Variants in KLHL1 observed in about 807,000 individuals in gnomAD.
The protein encoded by KLHL1 is kelch like family member 1, also known as kelch-like protein 1.
KLHL1 carries 47 observed loss-of-function variants against 77.7 expected under a neutral mutation model. The ratio of observed to expected loss-of-function variants is 0.60; its 90% CI spans 0.48 to 0.77. KLHL1 has a LOEUF of 0.77. Ranked by LOEUF, KLHL1 falls within the 30% of genes least tolerant of loss-of-function variation. The pLI, the probability that KLHL1 is intolerant of heterozygous loss-of-function variation, is 0.00. For synonymous variants in KLHL1, 360 were observed against 325.2 expected (o/e 1.11, Z -1.15); for missense variants, 925 against 910.8 (o/e 1.02, Z -0.20).
At chr13:69,947,210 G>T (rs1406856220) in intron 3 of KLHL1, among the ~76,000 whole-genome samples, 1 of 151,854 alleles carries the variant, frequency 6.6e-6, no homozygotes, top group East Asian at 1.9e-4. Flanking sequence ...TTTGTTTTCT[G>T]CTGGGACTCT....
At chr13:69,781,285 C>CTTTTTTTTTTTT (rs869083780) in intron 7 of KLHL1, among the ~76,000 whole-genome samples, 153 of 119,556 alleles carry the variant, frequency 1.3e-3, no homozygotes, top group Non-Finnish European at 1.4e-3. Context: ...TTTTTTCTTT[C>CTTTTTTTTTTTT]TTTTTTTTTT....
intron 4 of KLHL1, among the ~76,000 whole-genome samples, chr13:69,935,738 T>C (rs971700325): frequency 1.3e-5 from 2 of 152,138 alleles, no homozygotes; most frequent in African/African-American, 4.8e-5. Flanking sequence ...TAGAACTGTA[T>C]GAACAGGGAA....
rs745601260 is a variant in KLHL1 at position 69,975,791 on chromosome 13, G to C, written c.509C>G (p.Thr170Ser). 6.2e-7 allele frequency: 1 copy of C among 1,606,818 alleles called. No homozygotes were observed. Among genetic ancestry groups the C allele is most frequent in the South Asian group, 1.1e-5 (1 of 90,222 alleles). Residue 170 changes from threonine to serine, a missense_variant, in exon 2 of 11, where the codon ACC becomes AGC. Transcript: ENST00000377844. ...GEGCGHRLSS[T>S]GHSMTPQSDL... ...ACTTTGAGGTGTCATTGAATGGCCG[G>C]TTGATGACAGCCTATAAACCACACA...
At chr13:69,827,944 T>A (rs1296949455) in intron 6 of KLHL1, among the ~76,000 whole-genome samples, 1 of 141,308 alleles carries the variant, frequency 7.1e-6, no homozygotes, top group Non-Finnish European at 1.5e-5. Context: ...AGTTTGTTGT[T>A]GGAAGTAAAT....
At chr13:69,728,561 G>C (rs538821716) in intron 8 of KLHL1, among the ~76,000 whole-genome samples, 1 of 151,778 alleles carries the variant, frequency 6.6e-6, no homozygotes, top group East Asian at 2.0e-4. Context: ...CTAGCATTTT[G>C]GGAGGCCAAG....
At chr13:69,784,982 C>A (rs1474011589) in intron 7 of KLHL1, among the ~76,000 whole-genome samples, 2 of 149,072 alleles carry the variant, frequency 1.3e-5, no homozygotes, top group Admixed American at 6.7e-5. Flanking sequence ...CTCCGCCTCC[C>A]GGGTTCACGC....
intron 1 of KLHL1, among the ~76,000 whole-genome samples, chr13:69,988,090 GGC>G (rs1566476030): frequency 3.3e-5 from 5 of 150,474 alleles, no homozygotes; most frequent in African/African-American, 1.2e-4. Context: ...GCTTTTTTTT[GGC>G]GGGGGGAACC....
chr13:69,947,978 A>G (rs1683669228), intron 3 of KLHL1, among the ~76,000 whole-genome samples: 2 of 152,158 alleles, frequency 1.3e-5, no homozygotes, highest in South Asian at 4.1e-4. Flanking sequence ...GAAAACCTAC[A>G]TGTTTTTAGT....
chr13:70,005,931 A>G lies in KLHL1; in HGVS notation c.498-30129T>C, dbSNP rs544828883. 1.8e-3 allele frequency among the ~76,000 whole-genome samples: 267 copies of G among 152,074 alleles called. 1 individual carries two copies. The highest frequency in any genetic ancestry group is 6.1e-3 in the African/African-American group (252 of 41,520). On this transcript the variant is annotated intron_variant, in intron 1 of 10. Coordinates refer to ENST00000377844, the MANE Select transcript of KLHL1 (RefSeq NM_020866.3). ...TGCTCATTATTGTATTAACTATCGG[A>G]CTATGTTGTACTGCAGATCTCTAGA... is the stretch of plus-strand genomic sequence containing the variant.
At chr13:69,969,518 G>A (rs866209673) in intron 2 of KLHL1, among the ~76,000 whole-genome samples, 16 of 151,918 alleles carry the variant, frequency 1.1e-4, no homozygotes, top group African/African-American at 3.9e-4. Flanking sequence ...TATTTCCTAT[G>A]CATAAAAAAT....
chr13:70,071,022 T>C (rs192587193), intron 1 of KLHL1, among the ~76,000 whole-genome samples: 63 of 152,118 alleles, frequency 4.1e-4, no homozygotes, highest in African/African-American at 1.5e-3. Context: ...GGGAAATATG[T>C]AGAATACAGT....
rs556209076 is a variant in KLHL1 at position 69,958,058 on chromosome 13, T to C, written c.817+3250A>G. Among the ~76,000 whole-genome samples, 55 of 151,912 alleles carry C rather than the reference T, an allele frequency of 3.6e-4. 1 individual carries two copies. The South Asian group carries it at 8.1e-3, about 22-fold the overall frequency. On this transcript the variant is annotated intron_variant, in intron 3 of 10. Coordinates refer to ENST00000377844, the MANE Select transcript of KLHL1 (RefSeq NM_020866.3). The stretch of plus-strand genomic sequence containing the variant: ...ACAACCTCATCATTATCCTAAATAG[T>C]TGCAAGAATTATTATTTTTTTAAAT...
intron 4 of KLHL1, among the ~76,000 whole-genome samples, chr13:69,906,213 A>T (rs1218309188): frequency 6.6e-6 from 1 of 152,050 alleles, no homozygotes; most frequent in African/African-American, 2.4e-5. Context: ...GGACATTTTA[A>T]TTACAGAAGT....
At chr13:69,842,884 A>G (rs1895571) in intron 5 of KLHL1, among the ~76,000 whole-genome samples, 14,955 of 151,882 alleles carry the variant, frequency 0.098, 891 homozygotes, top group Non-Finnish European at 0.13. Context: ...TGCCATTTAT[A>G]GCAACATGTA....
In KLHL1 at chr13:70,051,792, C is replaced by T. The variant is rs114850477; in HGVS notation, c.497+55411G>A. 7.2e-3 allele frequency among the ~76,000 whole-genome samples: 1,089 copies of T among 151,976 alleles called. 14 individuals are homozygous for T. The highest frequency in any genetic ancestry group is 0.024 in the African/African-American group (1,006 of 41,518). ...CTTACTGACATTATGGATTGTTTAC[C>T]AATTTGTTCTGCTAACTTTTCAGAG... On this transcript the variant is annotated intron_variant, in intron 1 of 10. Transcript: ENST00000377844.
At chr13:69,737,941 G>A (rs746430609) in intron 8 of KLHL1, among the ~76,000 whole-genome samples, 2 of 152,128 alleles carry the variant, frequency 1.3e-5, no homozygotes, top group African/African-American at 2.4e-5. Flanking sequence ...GACTGGGTGA[G>A]ACCTGCAAAC....
rs1406061307 is a variant in KLHL1, at chr13:69,882,567, A to G, written c.1015-72T>C. On this transcript the variant is annotated intron_variant, in intron 4 of 10. Coordinates refer to ENST00000377844, the MANE Select transcript of KLHL1 (RefSeq NM_020866.3). ...TAGCTAGTAAAGCATTTCAGAAAGA[A>G]GAAAAGTAGTCAATATCCTTTGTTC... The G allele has an allele frequency of 5.0e-6, 5 of 997,884 alleles. No individual in the cohort carries two copies. The Admixed American group carries it at 8.1e-5, about 16-fold the overall frequency. The allele number at this position is 997,884 out of a possible 1,614,324, so 61.8% of individuals were successfully genotyped here.
At chr13:69,985,775 CATATAT>C (rs59958813) in intron 1 of KLHL1, among the ~76,000 whole-genome samples, 1 of 140,550 alleles carries the variant, frequency 7.1e-6, no homozygotes, top group African/African-American at 2.6e-5. Flanking sequence ...AAATGTGATC[CATATAT>C]ATATATATAT....
At chr13:69,717,573 AAAC>A (rs1216824692) in intron 9 of KLHL1, among the ~76,000 whole-genome samples, 1 of 152,134 alleles carries the variant, frequency 6.6e-6, no homozygotes, top group Non-Finnish European at 1.5e-5. Flanking sequence ...CTCTATTCAC[AAAC>A]AACATTTCAA....
Sources: gnomAD v4.1 joint callset for allele counts (sites outside exome capture counted in the v4.1 genomes callset) on GRCh38, gnomAD v4.1.1 for gene constraint, MANE v1.5 for transcripts, NCBI Gene and HGNC (gene_info 2026-07-23, HGNC 2026-07-21) for gene names.